The following ZCCHC2 variants were observed in gnomAD, a reference collection of about 807,000 sequenced individuals.
The protein encoded by ZCCHC2 is zinc finger CCHC-type containing 2, also known as zinc finger CCHC domain-containing protein 2.
Under a neutral mutation model 103.6 loss-of-function variants are expected in ZCCHC2, and 39 were observed. The ratio of observed to expected loss-of-function variants is 0.38; its 90% CI spans 0.29 to 0.49. The LOEUF is 0.49. Among genes scored for constraint, ZCCHC2 ranks in the 20% least tolerant of loss-of-function variants. ZCCHC2 has a pLI of 0.96. For missense variants in ZCCHC2, 1,483 were observed against 1,491.0 expected, an observed-to-expected ratio of 0.99 and a Z score of 0.09; for synonymous variants, 687 against 608.9, an observed-to-expected ratio of 1.13 and a Z score of -1.89.
chr18:62,556,537 A>G (rs1193087135), intron 6 of ZCCHC2, among the ~76,000 whole-genome samples: 1 of 152,200 alleles, frequency 6.6e-6, no homozygotes, highest in African/African-American at 2.4e-5. Flanking sequence ...TCTTTGGGGC[A>G]TGGCCAGTCC....
Position 62,550,444 on chromosome 18 carries a change from C to G in ZCCHC2, c.1297C>G (p.Leu433Val). The G allele has an allele frequency of 6.2e-7, 1 of 1,613,202 alleles. No individual in the cohort carries two copies. The highest frequency in any genetic ancestry group is 8.5e-7 in the Non-Finnish European group (1 of 1,179,554). ...LKREERRHPD[L>V]EPILRQLFSS... ...AAGGGAGGAACGGCGACATCCTGAC[C>G]TAGAGCCCATCCTAAGGTAATGATT... The change falls in exon 5 of 14, where the codon CTA becomes GTA. Residue 433 changes from leucine to valine, a missense_variant. Coordinates refer to ENST00000269499, the MANE Select transcript of ZCCHC2 (RefSeq NM_017742.6).
chr18:62,576,408 G>A (rs934003057), intron 13 of ZCCHC2, 104 bp from the exon 14 acceptor site: 10 of 941,384 alleles, frequency 1.1e-5, no homozygotes, highest in East Asian at 2.6e-5. Context: ...TAGAGCTGAC[G>A]AAGGTGCCTT....
chr18:62,558,462 C>A (rs2145516267), intron 6 of ZCCHC2: 1 of 289,768 alleles, frequency 3.5e-6, no homozygotes, highest in East Asian at 5.9e-5. Context: ...TATGAAATGA[C>A]TTGTCCAGGT....
intron 1 of ZCCHC2, among the ~76,000 whole-genome samples, chr18:62,531,685 G>A (rs1236853872): frequency 7.9e-5 from 12 of 151,666 alleles, no homozygotes; most frequent in Non-Finnish European, 1.5e-4. Flanking sequence ...GGTGGCTCAC[G>A]CCTGTAATCT....
At position 62,575,425 on chromosome 18, in the gene ZCCHC2, A is replaced by T. The variant is rs1916801031; in HGVS notation, c.3344A>T (p.Asn1115Ile). 2.5e-6 allele frequency: 4 copies of T among 1,613,916 alleles called. No homozygotes were observed. The highest frequency in any genetic ancestry group is 2.2e-5 in the South Asian group (2 of 91,082). ...TTCTATCCTGTATATCCAGCACCTAACGTAGTTGCCAACACCAGTGGTTCG... is the reference window on the plus strand; with the variant it reads ...TTCTATCCTGTATATCCAGCACCTATCGTAGTTGCCAACACCAGTGGTTCG... The part of the protein sequence containing the change: ...GRFYPVYPAP[N>I]VVANTSGSGP... The change falls in exon 13 of 14, where the codon AAC becomes ATC. Residue 1115 changes from asparagine (N) to isoleucine (I), a missense_variant. Physicochemically the swap from Asn to Ile is moderately radical, Grantham distance 149. This residue lies in a region of ZCCHC2 where 884 missense variants were observed against 907.5 expected (regional missense o/e 0.97). Transcript: ENST00000269499.
At position 62,563,151 on chromosome 18, in the gene ZCCHC2, G is replaced by A. The variant is rs762825155; in HGVS notation, c.1686+7G>A. The A allele has an allele frequency of 7.4e-6, 12 of 1,610,870 alleles. No individual in the cohort carries two copies. Among genetic ancestry groups the A allele is most frequent in the Non-Finnish European group, 4.2e-6 (5 of 1,177,616 alleles). ...TGTGACCTCGGCTGACCAGGTGTGT[G>A]GGGAGTTTGTTTTGGAGCTATATAG... On this transcript the variant is annotated splice_region_variant and intron_variant, in intron 9 of 13. Coordinates refer to ENST00000269499, the MANE Select transcript of ZCCHC2 (RefSeq NM_017742.6).
downstream of ZCCHC2, among the ~76,000 whole-genome samples, chr18:62,583,248 G>A (rs1283561032): frequency 2.6e-5 from 4 of 152,316 alleles, no homozygotes; most frequent in East Asian, 1.9e-4. Context: ...ACTGATGAAC[G>A]ATATAGAAGC....
At chr18:62,582,933 A>G (rs1295765443), downstream of ZCCHC2, among the ~76,000 whole-genome samples, 2 of 151,920 alleles carry the variant, frequency 1.3e-5, no homozygotes, top group South Asian at 2.1e-4. Flanking sequence ...ACGAAACCCC[A>G]TCTCTACAAA....
intron 4 of ZCCHC2, among the ~76,000 whole-genome samples, chr18:62,549,594 G>C (rs1021656744): frequency 6.6e-6 from 1 of 152,194 alleles, no homozygotes; most frequent in African/African-American, 2.4e-5. Context: ...GTTATCAAAA[G>C]TCAAATTTAA....
chr18:62,537,304 T>C (rs1914971348), intron 1 of ZCCHC2, among the ~76,000 whole-genome samples: 1 of 152,062 alleles, frequency 6.6e-6, no homozygotes, highest in Non-Finnish European at 1.5e-5. Context: ...TAACGAGGAC[T>C]ACAGGCACAT....
intron 1 of ZCCHC2, among the ~76,000 whole-genome samples, chr18:62,535,184 ATCCTTGTG>A (rs1361385886): frequency 6.6e-6 from 1 of 152,144 alleles, no homozygotes; most frequent in African/African-American, 2.4e-5. Context: ...GCTTCTCTAG[ATCCTTGTG>A]CACTCATGCA....
chr18:62,546,957 G>A (rs1329819649), intron 4 of ZCCHC2, among the ~76,000 whole-genome samples: 1 of 152,152 alleles, frequency 6.6e-6, no homozygotes, highest in Non-Finnish European at 1.5e-5. Flanking sequence ...GAAACATACT[G>A]CCTATTGTAT....
chr18:62,550,934 C>T (rs1915636826), intron 5 of ZCCHC2, among the ~76,000 whole-genome samples: 1 of 152,086 alleles, frequency 6.6e-6, no homozygotes, highest in South Asian at 2.1e-4. Flanking sequence ...GGTTGTTGGG[C>T]TTGTTGGGAA....
chr18:62,575,747 C>G (rs1205881367), intron 13 of ZCCHC2, among the ~76,000 whole-genome samples, 197 bp downstream of exon 13: 2 of 152,128 alleles, frequency 1.3e-5, no homozygotes, highest in Non-Finnish European at 2.9e-5. Flanking sequence ...CAAGGAAGTT[C>G]AGAGGAATTC....
In ZCCHC2 at chr18:62,542,628, G is replaced by C. The variant is rs539052296; in HGVS notation, c.1128+54G>C. On this transcript the variant is annotated intron_variant, in intron 3 of 13. Coordinates refer to ENST00000269499, the MANE Select transcript of ZCCHC2 (RefSeq NM_017742.6). The stretch of plus-strand genomic sequence containing the variant: ...TCACGTGCTGTGCTCAATGATCTTT[G>C]GGAAAACTTGTGGCAGGTTTGCTAA... The C allele has an allele frequency of 2.0e-5, 29 of 1,459,808 alleles. No individual in the cohort carries two copies. The African/African-American group carries it at 3.8e-4, about 19-fold the overall frequency. The allele number at this position is 1,459,808 out of a possible 1,614,324, so 90.4% of individuals were successfully genotyped here. A position where few individuals can be genotyped will look rare whatever the true frequency, so the allele number is the denominator to read the frequency against.
chr18:62,523,236 G>T lies in ZCCHC2; in HGVS notation c.-189G>T, dbSNP rs1370742732. On this transcript the variant is annotated 5_prime_UTR_variant, in exon 1 of 14. Transcript: ENST00000269499. ...CGCCCCGCCCCCAGCCCGGGAAGAC[G>T]ACGCCAGCGACCCCGCCGGCCGGCC... 2 of 325,880 alleles carry T rather than the reference G, an allele frequency of 6.1e-6. No homozygotes were observed. Among genetic ancestry groups the T allele is most frequent in the Non-Finnish European group, 8.8e-6 (2 of 227,256 alleles). 20.2% of individuals were successfully genotyped at this position (325,880 alleles called of 1,614,324 possible).
chr18:62,575,038 C>G lies in ZCCHC2; in HGVS notation c.2957C>G (p.Thr986Ser). The G allele has an allele frequency of 1.9e-6, 3 of 1,614,010 alleles. No homozygotes were observed. The highest frequency in any genetic ancestry group is 2.5e-6 in the Non-Finnish European group (3 of 1,179,896). The change falls in exon 13 of 14, where the codon ACC becomes AGC. Residue 986 changes from threonine to serine, a missense_variant. By Grantham distance (58) the Thr-to-Ser change is moderately conservative. Around this residue, in one of 3 missense-constraint regions of ZCCHC2, gnomAD observed 884 missense variants for 907.5 expected, o/e 0.97. Coordinates refer to ENST00000269499, the MANE Select transcript of ZCCHC2 (RefSeq NM_017742.6). ...CACAGTACCGCGCAGAGTGACAGCA[C>G]CTCTTACATCAGTGCTGTGGGGAAC... Reference protein sequence around the residue: ...LTHSTAQSDSTSYISAVGNTN... With the variant: ...LTHSTAQSDSSSYISAVGNTN...
At chr18:62,541,796 G>C (rs534522926) in intron 2 of ZCCHC2, among the ~76,000 whole-genome samples, 1 of 152,270 alleles carries the variant, frequency 6.6e-6, no homozygotes, top group African/African-American at 2.4e-5. Context: ...AAAATGGATA[G>C]TTGGGGGATT....
chr18:62,585,656 T>G (rs1917150801), exon 15 of ZCCHC2: 1 of 152,220 alleles, frequency 6.6e-6, no homozygotes, highest in African/African-American at 2.4e-5. Context: ...TCGGTCTGAT[T>G]TACATAGTGG....
Sources: gnomAD v4.1 joint callset for allele counts (sites outside exome capture counted in the v4.1 genomes callset) on GRCh38, gnomAD v4.1.1 for gene constraint, gnomAD v4.1.1 regional missense constraint, MANE v1.5 for transcripts, NCBI Gene and HGNC (gene_info 2026-07-23, HGNC 2026-07-21) for gene names.